The following MBP variants were observed in gnomAD, a reference collection of about 807,000 sequenced individuals.
MBP encodes the protein Golli-MBP.
A neutral mutation model predicts 35.8 loss-of-function variants in MBP; 16 were observed. The observed-to-expected ratio is 0.45, with a 90% CI of 0.30 to 0.68. MBP has a LOEUF of 0.68. Among genes scored for constraint, MBP ranks in the 30% least tolerant of loss-of-function variants. The pLI, the probability that MBP is intolerant of heterozygous loss-of-function variation, is 0.08. For synonymous variants in MBP, 143 were observed against 159.6 expected, an observed-to-expected ratio of 0.90 and a Z score of 0.78; for missense variants, 380 against 404.7, an observed-to-expected ratio of 0.94 and a Z score of 0.52.
chr18:77,056,089 T>C (rs1026558265), intron 3 of MBP, among the ~76,000 whole-genome samples: 1 of 152,232 alleles, frequency 6.6e-6, no homozygotes, highest in African/African-American at 2.4e-5. Context: ...TGCCAGCGCA[T>C]GGCAGTGAGG....
At chr18:77,064,112 A>G (rs1268697528) in intron 3 of MBP, among the ~76,000 whole-genome samples, 1 of 152,210 alleles carries the variant, frequency 6.6e-6, no homozygotes, top group Non-Finnish European at 1.5e-5. Flanking sequence ...GTGCTTTTCT[A>G]TTACGTCTTT....
Position 76,988,040 on chromosome 18 carries a change from T to G in MBP, c.750+455A>C. ...ATAAATCGAGCAACTCTATTTAGCC[T>G]CTTTTTCTGTTCATCAGCAGAATCA... On this transcript the variant is annotated intron_variant, in intron 7 of 8. Coordinates refer to ENST00000355994, the MANE Select transcript of MBP (RefSeq NM_001025101.2). This position sits in a 1 kb window ranked among gnomAD's most constrained non-coding sequence, Gnocchi z 5.2. The G allele has an allele frequency of 7.1e-7, 1 of 1,406,250 alleles. No individual in the cohort carries two copies. The highest frequency in any genetic ancestry group is 9.3e-7 in the Non-Finnish European group (1 of 1,080,276). 87.1% of individuals were successfully genotyped at this position (1,406,250 alleles called of 1,614,324 possible).
At chr18:76,999,320 C>T (rs11660979) in intron 4 of MBP, among the ~76,000 whole-genome samples, 10,899 of 152,200 alleles carry the variant, frequency 0.072, 506 homozygotes, top group South Asian at 0.14. Context: ...TCGCAACCTC[C>T]GCTTCCCCCG....
At chr18:77,099,558 G>A (rs1004379465) in intron 2 of MBP, among the ~76,000 whole-genome samples, 2 of 152,332 alleles carry the variant, frequency 1.3e-5, no homozygotes, top group Admixed American at 6.5e-5. Flanking sequence ...ACGCTCCCAC[G>A]CAAGGATCGT....
At chr18:77,128,136 G>A (rs1328513134) in intron 1 of MBP, among the ~76,000 whole-genome samples, 3 of 152,164 alleles carry the variant, frequency 2.0e-5, no homozygotes, top group Admixed American at 2.0e-4. Flanking sequence ...AATAATCCAA[G>A]TGCCCTTCCT....
chr18:77,009,144 G>A (rs1022579281), intron 4 of MBP, among the ~76,000 whole-genome samples: 1 of 152,258 alleles, frequency 6.6e-6, no homozygotes, highest in Admixed American at 6.5e-5. Flanking sequence ...CTCCTAGTGT[G>A]CAAACGGCAG....
rs777083208 is a variant in MBP, at chr18:77,102,198, G to A, written c.51+3013C>T. 6.6e-6 allele frequency among the ~76,000 whole-genome samples: 1 copy of A among 152,152 alleles called. No homozygotes were observed. Among genetic ancestry groups the A allele is most frequent in the Non-Finnish European group, 1.5e-5 (1 of 68,030 alleles). On this transcript the variant is annotated intron_variant, in intron 2 of 8. Coordinates refer to ENST00000355994, the MANE Select transcript of MBP (RefSeq NM_001025101.2). This position sits in a 1 kb window ranked among gnomAD's most constrained non-coding sequence, Gnocchi z 4.4. ...CTCAGCAGCCTGGGCCGGGCAGTGGGGCAGAGGCAGTGTGTGGGGTAGACC... is the reference window on the plus strand; with the variant it reads ...CTCAGCAGCCTGGGCCGGGCAGTGGAGCAGAGGCAGTGTGTGGGGTAGACC...
At chr18:76,993,652 C>T (rs551541262) in intron 4 of MBP, among the ~76,000 whole-genome samples, 25 of 152,228 alleles carry the variant, frequency 1.6e-4, no homozygotes, top group African/African-American at 4.1e-4. Context: ...TTTGTGCCCT[C>T]GTTGGTTAAC....
chr18:77,101,431 G>A lies in MBP; in HGVS notation c.51+3780C>T, dbSNP rs77389864. On this transcript the variant is annotated intron_variant, in intron 2 of 8. Transcript: ENST00000355994. The surrounding 1 kb of genome is among the most constrained non-coding windows in gnomAD (Gnocchi z 4.3). ...TTCTTCGTTTCTGAGAAGGAGCGCT[G>A]TGCCCTGAACCTGCGCCTGCCTGGA... is the stretch of plus-strand genomic sequence containing the variant. Among the ~76,000 whole-genome samples the A allele has an allele frequency of 0.2, 29,688 of 152,200 alleles. 3,724 individuals carry two copies. Among genetic ancestry groups the A allele is most frequent in the Middle Eastern group, 0.38 (113 of 294 alleles).
intron 3 of MBP, among the ~76,000 whole-genome samples, chr18:77,058,713 G>A (rs986576507): frequency 2.6e-5 from 4 of 152,258 alleles, no homozygotes; most frequent in Admixed American, 6.5e-5. Context: ...GGCCTGTGGG[G>A]TCAAGCAGCT....
At chr18:77,063,730 C>G (rs1974078087) in intron 3 of MBP, among the ~76,000 whole-genome samples, 1 of 152,142 alleles carries the variant, frequency 6.6e-6, no homozygotes, top group Non-Finnish European at 1.5e-5. Flanking sequence ...CACATTCAAT[C>G]CTAGGTAATA....
rs1344613436 is a variant in MBP at position 76,980,069 on chromosome 18, G to T, written c.*358C>A. On this transcript the variant is annotated 3_prime_UTR_variant, in exon 9 of 9. Coordinates refer to ENST00000355994, the MANE Select transcript of MBP (RefSeq NM_001025101.2). ...TGGCAGTGACCAGCAAAAGCGCAAGGGTGCCGCAGCCACGGCGAAAAGAAA... is the reference window on the plus strand; with the variant it reads ...TGGCAGTGACCAGCAAAAGCGCAAGTGTGCCGCAGCCACGGCGAAAAGAAA... 1 of 699,646 alleles carries T rather than the reference G, an allele frequency of 1.4e-6. No homozygotes were observed. The highest frequency in any genetic ancestry group is 2.0e-5 in the Admixed American group (1 of 49,246). 43.3% of individuals were successfully genotyped at this position (699,646 alleles called of 1,614,324 possible). A position where few individuals can be genotyped will look rare whatever the true frequency, so the allele number is the denominator to read the frequency against.
Position 77,017,105 on chromosome 18 carries a change from C to T in MBP, c.303G>A (p.Gly101=), listed in dbSNP as rs1971692788. 6.3e-7 allele frequency: 1 copy of T among 1,594,930 alleles called. No individual in the cohort carries two copies. Among genetic ancestry groups the T allele is most frequent in the African/African-American group, 1.3e-5 (1 of 74,204 alleles). Residue 101 remains glycine (G), a synonymous_variant, in exon 4 of 9, where the codon GGG becomes GGA. Transcript: ENST00000355994. The part of the protein sequence containing the change: ...LIRLFSRDAP[G]REDNTFKDRP... ...TGTCTTTGAAGGTGTTGTCCTCCCT[C>T]CCCGGGGCATCTCGGGAAAAGAGGC... is the stretch of plus-strand genomic sequence containing the variant.
At chr18:77,061,333 A>C (rs1973969085) in intron 3 of MBP, among the ~76,000 whole-genome samples, 1 of 152,250 alleles carries the variant, frequency 6.6e-6, no homozygotes, top group African/African-American at 2.4e-5. Flanking sequence ...TGTTAAACAA[A>C]GCTCTGTATG....
rs543465947 is a variant in MBP at position 76,993,571 on chromosome 18, A to C, written c.577-3511T>G. ...TCTCCAAAAAAAAAAAAAAAAAACA[A>C]AAGATCCCATTTTATCCCTTGGATT... On this transcript the variant is annotated intron_variant, in intron 4 of 8. Coordinates refer to ENST00000355994, the MANE Select transcript of MBP (RefSeq NM_001025101.2). Among the ~76,000 whole-genome samples the C allele has an allele frequency of 3.2e-3, 489 of 151,734 alleles. 5 individuals are homozygous for C. The highest frequency in any genetic ancestry group is 0.011 in the African/African-American group (464 of 41,426).
chr18:77,037,629 C>T (rs554281823), intron 3 of MBP, among the ~76,000 whole-genome samples: 13 of 152,372 alleles, frequency 8.5e-5, no homozygotes, highest in Admixed American at 4.6e-4. Context: ...AGTTTTGTGA[C>T]TGAGCAGGTA....
At chr18:77,119,531 G>A (rs531346856) in intron 1 of MBP, among the ~76,000 whole-genome samples, 64 of 152,164 alleles carry the variant, frequency 4.2e-4, no homozygotes, top group African/African-American at 1.4e-3. Context: ...CACACAGCAA[G>A]TGTTTGACAA....
chr18:77,028,750 T>C (rs1158119066), intron 3 of MBP, among the ~76,000 whole-genome samples: 2 of 96,516 alleles, frequency 2.1e-5, no homozygotes, highest in Non-Finnish European at 2.7e-5. Context: ...GGCGGGGGGC[T>C]GATCCCCCCA....
chr18:76,997,284 T>C (rs73495029), intron 4 of MBP, among the ~76,000 whole-genome samples: 162 of 152,366 alleles, frequency 1.1e-3, no homozygotes, highest in African/African-American at 3.8e-3. Flanking sequence ...AAGCCTTCCA[T>C]GGCAGCCTTG....
Sources: gnomAD v4.1 joint callset for allele counts (sites outside exome capture counted in the v4.1 genomes callset) on GRCh38, gnomAD v4.1.1 for gene constraint, Gnocchi (gnomAD v3.1) non-coding constraint, MANE v1.5 for transcripts, NCBI Gene and HGNC (gene_info 2026-07-23, HGNC 2026-07-21) for gene names.